The following LUC7L3 variants were observed in gnomAD, a reference collection of about 807,000 sequenced individuals.
LUC7L3 encodes luc7-like protein 3.
LUC7L3 carries 6 observed loss-of-function variants against 66.8 expected under a neutral mutation model. That is an observed-to-expected ratio of 0.09 (90% CI 0.05 to 0.18). The LOEUF is 0.18. Among genes scored for constraint, LUC7L3 ranks in the 10% least tolerant of loss-of-function variants. The pLI, the probability that LUC7L3 is intolerant of heterozygous loss-of-function variation, is 1.00. For missense variants in LUC7L3, 341 were observed against 531.1 expected (o/e 0.64, Z 3.52); for synonymous variants, 160 against 174.7 (o/e 0.92, Z 0.66).
At chr17:50,721,003 T>TC (rs1029000220) in intron 1 of LUC7L3, among the ~76,000 whole-genome samples, 2 of 152,064 alleles carry the variant, frequency 1.3e-5, no homozygotes, top group African/African-American at 4.8e-5. Flanking sequence ...AGGCTCCCCA[T>TC]CCCCCCGACC....
chr17:50,724,053 A>G, intron 1 of LUC7L3: 1 of 427,696 alleles, frequency 2.3e-6, no homozygotes, highest in South Asian at 1.6e-5. Flanking sequence ...AAACATACAG[A>G]ATTAGAGTGA....
At chr17:50,721,041 T>A (rs1476794662) in intron 1 of LUC7L3, among the ~76,000 whole-genome samples, 1 of 152,192 alleles carries the variant, frequency 6.6e-6, no homozygotes, top group Non-Finnish European at 1.5e-5. Flanking sequence ...ACTAAGGAAC[T>A]GCTTACCTTG....
rs1240419901 is a variant in LUC7L3, at chr17:50,755,366, A to G, written c.*4705A>G. On this transcript the variant is annotated 3_prime_UTR_variant, in exon 10 of 10. Coordinates refer to ENST00000505658, the MANE Select transcript of LUC7L3 (RefSeq NM_016424.5). ...GATCTTTCAAAATATATGACGGTAT[A>G]CCCGTATGTTCTGAGTCTTGCTGTT... is the stretch of plus-strand genomic sequence containing the variant. 1 of 152,182 alleles carries G rather than the reference A, an allele frequency of 6.6e-6. No homozygotes were observed. Among genetic ancestry groups the G allele is most frequent in the Non-Finnish European group, 1.5e-5 (1 of 68,040 alleles). The allele number at this position is 152,182 out of a possible 1,614,324, so 9.4% of individuals were successfully genotyped here.
intron 1 of LUC7L3, among the ~76,000 whole-genome samples, chr17:50,730,824 C>T (rs981634922): frequency 2.0e-5 from 3 of 151,758 alleles, no homozygotes; most frequent in African/African-American, 7.3e-5. Flanking sequence ...CCTGTAATCC[C>T]AGCTCCTTGG....
chr17:50,745,195 G>C (rs1008984601), intron 7 of LUC7L3, among the ~76,000 whole-genome samples: 3 of 151,786 alleles, frequency 2.0e-5, no homozygotes, highest in African/African-American at 7.3e-5. Context: ...GTTTTTTCCT[G>C]TTGGCCAGGC....
chr17:50,742,441 C>T (rs1970409275), intron 5 of LUC7L3, among the ~76,000 whole-genome samples: 1 of 152,142 alleles, frequency 6.6e-6, no homozygotes, highest in Admixed American at 6.5e-5. Context: ...TCACTGCAAC[C>T]TCTGCCTCCC....
chr17:50,720,698 A>G (rs1968692155), intron 1 of LUC7L3, among the ~76,000 whole-genome samples: 1 of 152,266 alleles, frequency 6.6e-6, no homozygotes, highest in Non-Finnish European at 1.5e-5. Context: ...ATAATCTAAC[A>G]TGCTAATTTT....
At position 50,754,700 on chromosome 17, in the gene LUC7L3, AT is replaced by A. The variant is rs1286827179; in HGVS notation, c.*4040del. 1 of 152,052 alleles carries A rather than the reference AT, an allele frequency of 6.6e-6. No homozygotes were observed. 9.4% of individuals were successfully genotyped at this position (152,052 alleles called of 1,614,324 possible). On this transcript the variant is annotated 3_prime_UTR_variant, in exon 10 of 10. Transcript: ENST00000505658. ...TTCATTTTTCAGTTTGGGTTGAAAC[AT>A]CCTTTTCTTGATCTTGAGCTTATAA...
Position 50,722,188 on chromosome 17 carries a change from A to ATTTTT in LUC7L3, c.99+2359_99+2360insTTTTT, listed in dbSNP as rs1371025266. ...GCATTTTTTATGGCTCCTCTTATGCATTCTTTTTTTTTTTTTTTTTTTTTT... is the reference window on the plus strand; with the variant it reads ...GCATTTTTTATGGCTCCTCTTATGCATTTTTTTCTTTTTTTTTTTTTTTTTTTTTT... On this transcript the variant is annotated intron_variant, in intron 1 of 9. Transcript: ENST00000505658. 8.8e-4 allele frequency: 58 copies of ATTTTT among 66,242 alleles called. 1 individual carries two copies. The highest frequency in any genetic ancestry group is 1.7e-3 in the African/African-American group (22 of 12,640). 4.1% of individuals were successfully genotyped at this position (66,242 alleles called of 1,614,324 possible). A position where few individuals can be genotyped will look rare whatever the true frequency, so the allele number is the denominator to read the frequency against.
Sources: gnomAD v4.1 joint callset for allele counts (sites outside exome capture counted in the v4.1 genomes callset) on GRCh38, gnomAD v4.1.1 for gene constraint, MANE v1.5 for transcripts, NCBI Gene and HGNC (gene_info 2026-07-23, HGNC 2026-07-21) for gene names.